Variants in TAF4B observed in about 807,000 individuals in gnomAD.
TAF4B encodes TATA-box binding protein associated factor 4b.
A neutral mutation model predicts 86.4 loss-of-function variants in TAF4B; 38 were observed. The observed-to-expected ratio is 0.44, with a 90% CI of 0.34 to 0.58. The LOEUF is 0.58. TAF4B is among the 20% of genes least tolerant of loss of function. The pLI is 0.02. For synonymous variants in TAF4B, 388 were observed against 391.2 expected (o/e 0.99, Z 0.10); for missense variants, 988 against 1,027.6 (o/e 0.96, Z 0.53).
At chr18:26,322,826 T>G (rs2056973922) in intron 11 of TAF4B, among the ~76,000 whole-genome samples, 1 of 152,026 alleles carries the variant, frequency 6.6e-6, no homozygotes, top group Non-Finnish European at 1.5e-5. Flanking sequence ...AGATGTAAAG[T>G]TAGGTTTTTT....
At chr18:26,388,781 G>A (rs978350263) in intron 14 of TAF4B, among the ~76,000 whole-genome samples, 2 of 152,138 alleles carry the variant, frequency 1.3e-5, no homozygotes, top group Admixed American at 6.6e-5. Flanking sequence ...TAGCACAGTG[G>A]TTAAGAGTGC....
At chr18:26,249,265 G>A (rs1003227898) in intron 1 of TAF4B, among the ~76,000 whole-genome samples, 1 of 152,090 alleles carries the variant, frequency 6.6e-6, no homozygotes, top group Non-Finnish European at 1.5e-5. Flanking sequence ...GATTACTTGA[G>A]GCCAGGAGTT....
At chr18:26,240,496 G>C (rs1265840273) in intron 1 of TAF4B, among the ~76,000 whole-genome samples, 1 of 152,166 alleles carries the variant, frequency 6.6e-6, no homozygotes. Context: ...TGAGACAATG[G>C]GGTTTTCTAA....
chr18:26,382,906 C>G (rs1178331522), intron 14 of TAF4B, among the ~76,000 whole-genome samples: 1 of 152,040 alleles, frequency 6.6e-6, no homozygotes, highest in African/African-American at 2.4e-5. Flanking sequence ...CTAGGCTAGA[C>G]CTGGGGTAAG....
rs372873746 is a variant in TAF4B, at chr18:26,352,284, G to A, written c.2317-5406G>A. 5.3e-5 allele frequency among the ~76,000 whole-genome samples: 8 copies of A among 151,918 alleles called. 1 individual carries two copies. In the East Asian group the frequency reaches 1.2e-3, roughly 22 times the overall value. ...TATCTTTAAGCAACTCAAATCACAG[G>A]TAATGATATAGGTAAGCTAAAGTAA... On this transcript the variant is annotated intron_variant, in intron 13 of 14. Coordinates refer to ENST00000269142, the MANE Select transcript of TAF4B (RefSeq NM_005640.3).
chr18:26,242,931 T>C (rs2055862745), intron 1 of TAF4B, among the ~76,000 whole-genome samples: 3 of 152,252 alleles, frequency 2.0e-5, no homozygotes, highest in African/African-American at 4.8e-5. Flanking sequence ...TTCTGGCTTG[T>C]AGAGTTTCTG....
intron 2 of TAF4B, among the ~76,000 whole-genome samples, chr18:26,266,569 T>C (rs906406965): frequency 6.6e-6 from 1 of 152,106 alleles, no homozygotes; most frequent in Non-Finnish European, 1.5e-5. Context: ...GAGTTAAAAA[T>C]ATTTTTGTGG....
chr18:26,310,368 A>G (rs1486777896), intron 9 of TAF4B, among the ~76,000 whole-genome samples: 2 of 152,158 alleles, frequency 1.3e-5, no homozygotes, highest in African/African-American at 4.8e-5. Flanking sequence ...TATACTTCCT[A>G]GGTGTTTCCT....
intron 13 of TAF4B, among the ~76,000 whole-genome samples, chr18:26,346,839 GTGTGTGTATATATATATA>G (rs2057195129): frequency 2.9e-4 from 3 of 10,256 alleles, no homozygotes; most frequent in African/African-American, 7.1e-4. Context: ...ATATATATGT[GTGTGTGTATATATATATA>G]TGTGTATATA....
chr18:26,255,235 A>G (rs1272099021), intron 1 of TAF4B, among the ~76,000 whole-genome samples: 1 of 152,172 alleles, frequency 6.6e-6, no homozygotes, highest in Non-Finnish European at 1.5e-5. Context: ...AAGCTTTCCT[A>G]TGAAATACTC....
chr18:26,386,697 A>G (rs1978394662), intron 14 of TAF4B, among the ~76,000 whole-genome samples: 1 of 152,134 alleles, frequency 6.6e-6, no homozygotes, highest in Non-Finnish European at 1.5e-5. Context: ...TTCATTGAAC[A>G]TTTTTGTGAT....
chr18:26,309,432 T>G (rs553422582), intron 9 of TAF4B, among the ~76,000 whole-genome samples: 15 of 152,162 alleles, frequency 9.9e-5, no homozygotes, highest in Admixed American at 7.9e-4. Context: ...AATCTAAATT[T>G]GGAAGAACTG....
At chr18:26,291,151 A>G (rs2056587523) in intron 7 of TAF4B, among the ~76,000 whole-genome samples, 1 of 152,190 alleles carries the variant, frequency 6.6e-6, no homozygotes, top group Non-Finnish European at 1.5e-5. Flanking sequence ...TTCTGTTTAG[A>G]AGTCTGTCTT....
At chr18:26,350,517 A>G (rs555110802) in intron 13 of TAF4B, among the ~76,000 whole-genome samples, 13 of 152,216 alleles carry the variant, frequency 8.5e-5, no homozygotes, top group African/African-American at 2.9e-4. Context: ...AAAAAATTTA[A>G]AACTGAAGGT....
At chr18:26,294,309 AAAT>A (rs2056634206) in intron 9 of TAF4B, among the ~76,000 whole-genome samples, 1 of 152,056 alleles carries the variant, frequency 6.6e-6, no homozygotes, top group Non-Finnish European at 1.5e-5. Flanking sequence ...GATATTTTAA[AAAT>A]CCATTTTAAT....
intron 9 of TAF4B, among the ~76,000 whole-genome samples, chr18:26,309,291 A>T (rs2056831156): frequency 8.5e-6 from 1 of 118,282 alleles, no homozygotes; most frequent in Non-Finnish European, 1.7e-5. Context: ...GCCAATGATA[A>T]AGTTGGAGCT....
intron 14 of TAF4B, among the ~76,000 whole-genome samples, chr18:26,362,518 T>C (rs1442093466): frequency 6.6e-6 from 1 of 152,232 alleles, no homozygotes; most frequent in Non-Finnish European, 1.5e-5. Flanking sequence ...TTTAGGTGTT[T>C]TTATTTATTA....
chr18:26,356,371 A>G (rs1646637518), intron 13 of TAF4B, among the ~76,000 whole-genome samples: 1 of 152,194 alleles, frequency 6.6e-6, no homozygotes. Flanking sequence ...CTGCTTTACT[A>G]AAGATTCAGT....
chr18:26,300,629 A>G (rs1417190952), intron 9 of TAF4B, among the ~76,000 whole-genome samples: 1 of 151,968 alleles, frequency 6.6e-6, no homozygotes, highest in Non-Finnish European at 1.5e-5. Context: ...ATTTTATTAA[A>G]TTTATTGAGA....
Sources: gnomAD v4.1 joint callset for allele counts (sites outside exome capture counted in the v4.1 genomes callset) on GRCh38, gnomAD v4.1.1 for gene constraint, MANE v1.5 for transcripts, NCBI Gene and HGNC (gene_info 2026-07-23, HGNC 2026-07-21) for gene names.